Variants in CYB5R1 observed in about 807,000 individuals in gnomAD.
CYB5R1 encodes NADH-cytochrome b5 reductase 1.
CYB5R1 carries 32 observed loss-of-function variants against 37.4 expected under a neutral mutation model. The observed-to-expected ratio is 0.86, with a 90% CI of 0.65 to 1.15. CYB5R1 has a LOEUF of 1.15. Among genes scored for constraint, CYB5R1 ranks in the 50% most tolerant of loss-of-function variants. CYB5R1 has a pLI of 0.00. For missense variants in CYB5R1, 345 were observed against 382.5 expected, an observed-to-expected ratio of 0.90 and a Z score of 0.82; for synonymous variants, 159 against 155.2, an observed-to-expected ratio of 1.02 and a Z score of -0.18.
At chr1:202,966,273 C>T (rs1655090942) in intron 3 of CYB5R1, 1 of 599,330 alleles carries the variant, frequency 1.7e-6, no homozygotes, top group Non-Finnish European at 3.0e-6. Context: ...GTAGTGCTTG[C>T]TCAGAGGGAG....
At chr1:202,965,685 T>A (rs758108433) in intron 4 of CYB5R1, among the ~76,000 whole-genome samples, 185 bp from the exon 5 acceptor site, 1 of 150,754 alleles carries the variant, frequency 6.6e-6, no homozygotes, top group African/African-American at 2.4e-5. Flanking sequence ...CAGGCTTGAG[T>A]GCAGTGGCGC....
chr1:202,965,685 T>G (rs758108433), intron 4 of CYB5R1, among the ~76,000 whole-genome samples, 185 bp from the exon 5 acceptor site: 1 of 150,754 alleles, frequency 6.6e-6, no homozygotes, highest in Non-Finnish European at 1.5e-5. Context: ...CAGGCTTGAG[T>G]GCAGTGGCGC....
intron 6 of CYB5R1, 175 bp from the exon 7 acceptor site, chr1:202,963,902 C>T (rs187355605): frequency 1.8e-5 from 8 of 454,292 alleles, no homozygotes; most frequent in African/African-American, 6.1e-5. Flanking sequence ...TCTGTATTTC[C>T]GGGCACCCTT....
intron 5 of CYB5R1, chr1:202,964,919 T>C (rs1347200425): frequency 5.4e-6 from 3 of 553,768 alleles, no homozygotes; most frequent in Non-Finnish European, 9.7e-6. Context: ...CCACACAATG[T>C]ATCAGCTGCT....
rs985304482 is a variant in CYB5R1, at chr1:202,965,595, G to T, written c.346-95C>A. The T allele has an allele frequency of 4.1e-6, 5 of 1,228,282 alleles. No individual in the cohort carries two copies. In the African/African-American group the frequency reaches 4.6e-5, roughly 11 times the overall value. 76.1% of individuals were successfully genotyped at this position (1,228,282 alleles called of 1,614,324 possible). ...CTCCCTGAGGCTGGGGCAGGGATCAGATATGTGCTATCTTTTCCCCGTCTA... is the reference window on the plus strand; with the variant it reads ...CTCCCTGAGGCTGGGGCAGGGATCATATATGTGCTATCTTTTCCCCGTCTA... On this transcript the variant is annotated intron_variant, in intron 4 of 8. Coordinates refer to ENST00000367249, the MANE Select transcript of CYB5R1 (RefSeq NM_016243.3).
At chr1:202,964,928 C>T in intron 5 of CYB5R1, 2 of 544,890 alleles carry the variant, frequency 3.7e-6, no homozygotes, top group South Asian at 2.1e-5. Context: ...GTATCAGCTG[C>T]TTCTGGCAAA....
chr1:202,965,335 G>T, intron 5 of CYB5R1, 36 bp downstream of exon 5: 1 of 1,538,352 alleles, frequency 6.5e-7, no homozygotes, highest in East Asian at 2.4e-5. Flanking sequence ...AACTGATAAA[G>T]TGGGAGACAG....
chr1:202,966,296 C>T (rs989020367), intron 3 of CYB5R1: 1 of 606,466 alleles, frequency 1.6e-6, no homozygotes, highest in South Asian at 2.0e-5. Flanking sequence ...ATTAGCAAAT[C>T]CTGCAGGGAA....
intron 7 of CYB5R1, 78 bp downstream of exon 7, chr1:202,963,564 C>T: frequency 9.2e-7 from 1 of 1,087,604 alleles, no homozygotes; most frequent in East Asian, 2.6e-5. Context: ...TGGGCCAGTT[C>T]TGCCCATCCA....
chr1:202,962,997 T>A (rs761628880), intron 8 of CYB5R1, 69 bp downstream of exon 8: 7 of 1,430,726 alleles, frequency 4.9e-6, no homozygotes, highest in Non-Finnish European at 6.9e-6. Flanking sequence ...AAGCCAGAAT[T>A]CACAAAGGGG....
intron 5 of CYB5R1, 89 bp from the exon 6 acceptor site, chr1:202,964,784 G>T: frequency 2.2e-6 from 2 of 918,938 alleles, no homozygotes; most frequent in Non-Finnish European, 3.6e-6. Context: ...TATGCCTGAG[G>T]CCAGTTGAGC....
At position 202,965,396 on chromosome 1, in the gene CYB5R1, G is replaced by T. The variant is rs367774238; in HGVS notation, c.450C>A (p.Ser150Arg). The T allele has an allele frequency of 1.3e-6, 2 of 1,599,236 alleles. No homozygotes were observed. The highest frequency in any genetic ancestry group is 8.5e-7 in the Non-Finnish European group (1 of 1,173,170). The change falls in exon 5 of 9, where the codon AGC becomes AGA. Residue 150 changes from serine (S) to arginine (R), a missense_variant. Ser to Arg is a moderately radical substitution (Grantham distance 110). Coordinates refer to ENST00000367249, the MANE Select transcript of CYB5R1 (RefSeq NM_016243.3). ...VGDVVEFRGP[S>R]GLLTYTGKGH... ...CTTTTCCAGTGTAAGTGAGCAACCC[G>T]CTTGGCCCCCGAAACTCCACCACAT...
At chr1:202,967,039 C>T (rs1655112342) in intron 1 of CYB5R1, 141 bp from the exon 2 acceptor site, 3 of 1,430,450 alleles carry the variant, frequency 2.1e-6, no homozygotes, top group South Asian at 2.6e-5. Context: ...GAGTCCCGAG[C>T]CCGGATGTGC....
intron 3 of CYB5R1, 116 bp from the exon 4 acceptor site, chr1:202,966,109 G>T: frequency 1.4e-6 from 1 of 733,568 alleles, no homozygotes; most frequent in Non-Finnish European, 2.3e-6. Flanking sequence ...GTCCCAAGGA[G>T]CTACAAGGCA....
intron 3 of CYB5R1, 79 bp from the exon 4 acceptor site, chr1:202,966,072 G>A (rs1194834595): frequency 1.0e-5 from 10 of 961,834 alleles, no homozygotes; most frequent in Non-Finnish European, 1.5e-5. Context: ...AGATTTGAGA[G>A]AACAAGATGT....
At position 202,967,208 on chromosome 1, in the gene CYB5R1, C is replaced by A. The variant is rs766135205; in HGVS notation, c.-3G>T. 1.3e-6 allele frequency: 2 copies of A among 1,567,158 alleles called. No homozygotes were observed. The highest frequency in any genetic ancestry group is 1.9e-4 in the Middle Eastern group (1 of 5,344). On this transcript the variant is annotated 5_prime_UTR_variant, in exon 1 of 9. Coordinates refer to ENST00000367249, the MANE Select transcript of CYB5R1 (RefSeq NM_016243.3). ...GGTCTTACCGTCTGGATCCCCATGA[C>A]GGAGCGCCTTTTCCTCCACCACCTG...
Position 202,965,459 on chromosome 1 carries a change from C to T in CYB5R1, c.387G>A (p.Gly129=), listed in dbSNP as rs1655069154. ...GGCTATCCAGGTACTGAGACATCTT[C>T]CCTCCCTCAGGAAATTTGGGGTGCA... ...KGVHPKFPEG[G]KMSQYLDSLK... is the part of the protein sequence containing the mutation. Residue 129 remains glycine, a synonymous_variant, in exon 5 of 9, where the codon GGG becomes GGA. Transcript: ENST00000367249. 1 of 1,602,426 alleles carries T rather than the reference C, an allele frequency of 6.2e-7. No individual in the cohort carries two copies. Among genetic ancestry groups the T allele is most frequent in the Non-Finnish European group, 8.5e-7 (1 of 1,174,506 alleles).
intron 6 of CYB5R1, 38 bp downstream of exon 6, chr1:202,964,574 A>G: frequency 6.7e-7 from 1 of 1,493,474 alleles, no homozygotes; most frequent in Non-Finnish European, 9.3e-7. Flanking sequence ...GGCAACAGTC[A>G]ACAATGGTGG....
At chr1:202,964,844 C>T in intron 5 of CYB5R1, 149 bp from the exon 6 acceptor site, 1 of 664,744 alleles carries the variant, frequency 1.5e-6, no homozygotes, top group Non-Finnish European at 2.7e-6. Context: ...TTGAGTTGAG[C>T]CAGCCCTGAC....
Sources: gnomAD v4.1 joint callset for allele counts (sites outside exome capture counted in the v4.1 genomes callset) on GRCh38, gnomAD v4.1.1 for gene constraint, MANE v1.5 for transcripts, NCBI Gene and HGNC (gene_info 2026-07-23, HGNC 2026-07-21) for gene names.